The following DSCAM variants were observed in gnomAD, a reference collection of about 807,000 sequenced individuals.
DSCAM encodes the protein cell adhesion molecule DSCAM.
A neutral mutation model predicts 217.7 loss-of-function variants in DSCAM; 47 were observed. That is an observed-to-expected ratio of 0.22 (90% CI 0.17 to 0.28). The LOEUF (loss-of-function observed/expected upper bound fraction) is 0.28, where lower values mean the gene tolerates loss of function less well. DSCAM is among the 10% of genes least tolerant of loss of function. The pLI is 1.00. For missense variants in DSCAM, 2,080 were observed against 2,618.3 expected, an observed-to-expected ratio of 0.79 and a Z score of 4.49; for synonymous variants, 1,056 against 1,015.3, an observed-to-expected ratio of 1.04 and a Z score of -0.76.
intron 3 of DSCAM, among the ~76,000 whole-genome samples, chr21:40,564,541 G>A (rs1003874068): frequency 6.6e-6 from 1 of 152,082 alleles, no homozygotes; most frequent in African/African-American, 2.4e-5. Context: ...TTGGGGCATG[G>A]ACTTAGGGCT....
At chr21:40,835,476 T>C (rs1049779254) in intron 1 of DSCAM, among the ~76,000 whole-genome samples, 1 of 152,216 alleles carries the variant, frequency 6.6e-6, no homozygotes, top group Non-Finnish European at 1.5e-5. Context: ...AGAGACAGTC[T>C]ACCCTAATTC....
intron 3 of DSCAM, among the ~76,000 whole-genome samples, chr21:40,468,856 C>G (rs2075865823): frequency 6.6e-6 from 1 of 152,002 alleles, no homozygotes; most frequent in South Asian, 2.1e-4. Context: ...AAAAAATTAC[C>G]TCCATCCAGG....
chr21:40,702,921 C>G lies in DSCAM; in HGVS notation c.361+5533G>C, dbSNP rs77730209. On this transcript the variant is annotated intron_variant, in intron 2 of 32. Transcript: ENST00000400454. The stretch of plus-strand genomic sequence containing the variant: ...ACACTCCCATGTCTTCACTGTAGGC[C>G]TTAATGCTATTGTTGCTATAAGTTT... Among the ~76,000 whole-genome samples the G allele has an allele frequency of 1.4e-3, 216 of 152,272 alleles. 4 individuals carry two copies. The East Asian group carries it at 0.037, about 26-fold the overall frequency.
chr21:40,490,690 G>C (rs982363674), intron 3 of DSCAM, among the ~76,000 whole-genome samples: 11 of 152,138 alleles, frequency 7.2e-5, no homozygotes, highest in African/African-American at 2.7e-4. Flanking sequence ...GTAGGATGAG[G>C]ACCAATTGTT....
chr21:40,212,135 A>G (rs1384750826), intron 11 of DSCAM, among the ~76,000 whole-genome samples: 4 of 151,752 alleles, frequency 2.6e-5, no homozygotes, highest in Non-Finnish European at 4.4e-5. Flanking sequence ...ACGCCTGGCT[A>G]ATTTTTTTAT....
At chr21:40,626,214 A>G (rs1356246997) in intron 3 of DSCAM, among the ~76,000 whole-genome samples, 1 of 152,086 alleles carries the variant, frequency 6.6e-6, no homozygotes, top group Non-Finnish European at 1.5e-5. Flanking sequence ...TGATTTTACC[A>G]TCTTCCTGCC....
intron 3 of DSCAM, among the ~76,000 whole-genome samples, chr21:40,369,982 G>T (rs965765737): frequency 1.3e-5 from 2 of 152,160 alleles, no homozygotes; most frequent in Admixed American, 6.5e-5. Flanking sequence ...CATTATGTCA[G>T]CACAAAACAA....
At position 40,786,224 on chromosome 21, in the gene DSCAM, G is replaced by A. The variant is rs138932734; in HGVS notation, c.43+60395C>T. On this transcript the variant is annotated intron_variant, in intron 1 of 32. Coordinates refer to ENST00000400454, the MANE Select transcript of DSCAM (RefSeq NM_001389.5). ...GTACTCCAGCCTGGGCAACAAGAGC[G>A]AAACTCAGTCTCAAAACAAAACAAA... Among the ~76,000 whole-genome samples the A allele has an allele frequency of 8.4e-3, 1,268 of 150,220 alleles. 14 individuals are homozygous for A. Among genetic ancestry groups the A allele is most frequent in the African/African-American group, 0.029 (1,193 of 40,786 alleles).
At chr21:40,083,203 C>T (rs149155419) in intron 24 of DSCAM, among the ~76,000 whole-genome samples, 4 of 152,284 alleles carry the variant, frequency 2.6e-5, no homozygotes, top group African/African-American at 7.2e-5. Flanking sequence ...CCGAGGTGAG[C>T]GGATCACCTG....
intron 2 of DSCAM, among the ~76,000 whole-genome samples, chr21:40,707,999 T>C (rs2090735833): frequency 6.6e-6 from 1 of 152,226 alleles, no homozygotes; most frequent in Non-Finnish European, 1.5e-5. Flanking sequence ...AGCAAGGATA[T>C]TAGATTGATT....
intron 3 of DSCAM, among the ~76,000 whole-genome samples, chr21:40,539,438 G>T (rs2076526465): frequency 6.6e-6 from 1 of 151,870 alleles, no homozygotes; most frequent in Admixed American, 6.6e-5. Flanking sequence ...AGAGCTTGCA[G>T]TGACCCCAGA....
chr21:40,602,789 G>T (rs1736027717), intron 3 of DSCAM, among the ~76,000 whole-genome samples: 1 of 151,876 alleles, frequency 6.6e-6, no homozygotes, highest in South Asian at 2.1e-4. Flanking sequence ...TTTTAGTTTT[G>T]CTGATTTTCT....
Position 40,144,398 on chromosome 21 carries a change from G to C in DSCAM, c.3259+93C>G. ...CCTGCAGGTCACTGCAAAGTCGTGG[G>C]GCGGGGGAGTGCGAGGTTGGGGGAG... On this transcript the variant is annotated intron_variant, in intron 17 of 32. Coordinates refer to ENST00000400454, the MANE Select transcript of DSCAM (RefSeq NM_001389.5). The surrounding 1 kb of genome is among the most constrained non-coding windows in gnomAD (Gnocchi z 4.8). 1.3e-6 allele frequency: 2 copies of C among 1,560,296 alleles called. No homozygotes were observed. The highest frequency in any genetic ancestry group is 1.7e-6 in the Non-Finnish European group (2 of 1,149,124).
At chr21:40,378,362 T>G (rs1281416105) in intron 3 of DSCAM, among the ~76,000 whole-genome samples, 3 of 152,016 alleles carry the variant, frequency 2.0e-5, no homozygotes, top group African/African-American at 7.2e-5. Context: ...AAAACCTCTA[T>G]AGGTGGGCAT....
At chr21:40,607,586 T>G (rs2089257839) in intron 3 of DSCAM, among the ~76,000 whole-genome samples, 1 of 151,968 alleles carries the variant, frequency 6.6e-6, no homozygotes, top group Non-Finnish European at 1.5e-5. Flanking sequence ...AGGGGCCCGG[T>G]GGGAGGTAAT....
intron 3 of DSCAM, among the ~76,000 whole-genome samples, chr21:40,586,572 T>C (rs2076948645): frequency 6.6e-6 from 1 of 152,230 alleles, no homozygotes; most frequent in Admixed American, 6.5e-5. Flanking sequence ...TCAATTCCGA[T>C]TCAGGAGATC....
intron 20 of DSCAM, among the ~76,000 whole-genome samples, chr21:40,113,586 A>C (rs1381902370): frequency 6.6e-6 from 1 of 152,132 alleles, no homozygotes; most frequent in East Asian, 1.9e-4. Context: ...AGAAGGAAAT[A>C]AAGGGTATTC....
At chr21:40,674,632 CTTTTTTT>C (rs869046725) in intron 3 of DSCAM, among the ~76,000 whole-genome samples, 2 of 52,002 alleles carry the variant, frequency 3.8e-5, no homozygotes, top group East Asian at 1.2e-3. Flanking sequence ...TTTTCTTTTT[CTTTTTTT>C]TTTTTTTTTT....
intron 16 of DSCAM, among the ~76,000 whole-genome samples, chr21:40,154,277 G>C: frequency 6.8e-6 from 1 of 148,124 alleles, no homozygotes; most frequent in East Asian, 2.0e-4. Context: ...CTTTTTCACA[G>C]GGTCTCACTC....
Sources: allele counts gnomAD v4.1 joint callset (sites outside exome capture counted in the v4.1 genomes callset), GRCh38; gene constraint gnomAD v4.1.1; non-coding constraint Gnocchi (gnomAD v3.1); transcripts MANE v1.5; gene names NCBI Gene and HGNC (gene_info 2026-07-23, HGNC 2026-07-21).